Variants in ZNF157 observed in about 807,000 individuals in gnomAD.
The protein encoded by ZNF157 is zinc finger protein 157, also known as zinc finger protein 22.
A neutral mutation model predicts 9.4 loss-of-function variants in ZNF157; 8 were observed. The observed-to-expected ratio is 0.85, with a 90% CI of 0.50 to 1.53. The LOEUF (loss-of-function observed/expected upper bound fraction) is 1.53. Ranked by LOEUF, ZNF157 falls within the 40% of genes most tolerant of loss-of-function variation. The pLI, the probability that ZNF157 is intolerant of heterozygous loss-of-function variation, is 0.00. For missense variants in ZNF157, 316 were observed against 385.2 expected (o/e 0.82, Z 1.50); for synonymous variants, 120 against 130.8 (o/e 0.92, Z 0.56).
chrX:47,397,114 G>A (rs1318109597), intron 1 of ZNF157, among the ~76,000 whole-genome samples: 2 of 110,876 alleles, frequency 1.8e-5, no homozygotes, highest in Non-Finnish European at 3.8e-5. Context: ...CCTGAATTGG[G>A]TTGTTGTAGT....
intron 1 of ZNF157, among the ~76,000 whole-genome samples, chrX:47,374,397 CTTT>C (rs749372735): frequency 4.3e-4 from 37 of 85,408 alleles, no homozygotes; most frequent in South Asian, 1.2e-3. Context: ...AATAGACAAT[CTTT>C]TTTTTTTTTT....
chrX:47,413,552 A>T lies in ZNF157; in HGVS notation c.1479A>T (p.Ile493=). 1.7e-6 allele frequency: 2 copies of T among 1,207,226 alleles called. No individual in the cohort carries two copies. Among genetic ancestry groups the T allele is most frequent in the Non-Finnish European group, 2.2e-6 (2 of 892,593 alleles). The change falls in exon 4 of 4, where the codon ATA becomes ATT. Residue 493 remains isoleucine, a synonymous_variant. Coordinates refer to ENST00000377073, the MANE Select transcript of ZNF157 (RefSeq NM_003446.4). ...TCACAGAACATCAGAGAACTCACAT[A>T]GGCTGGTCCTGGCGTTGTACAATGA... The part of the protein sequence containing the change: ...AHLTEHQRTH[I]GWSWRCTMKK...
chrX:47,401,546 G>A (rs780717774), intron 1 of ZNF157, among the ~76,000 whole-genome samples: 19 of 111,684 alleles, frequency 1.7e-4, no homozygotes, highest in Non-Finnish European at 2.8e-4. Flanking sequence ...TGTTTCTCAC[G>A]TAGTACCAGG....
intron 1 of ZNF157, among the ~76,000 whole-genome samples, chrX:47,407,766 C>T (rs1286471877): frequency 9.1e-6 from 1 of 110,391 alleles, no homozygotes; most frequent in African/African-American, 3.3e-5. Flanking sequence ...ATTCTCCTGC[C>T]TCAGCCTCCC....
Position 47,400,763 on chromosome X carries a change from C to T in ZNF157, c.73-9513C>T, listed in dbSNP as rs183926078. On this transcript the variant is annotated intron_variant, in intron 1 of 3. Transcript: ENST00000377073. ...CTCGACCTCCTAGGCTCAGGCGATCCTCCCGCCTCAGCCACCTGAGTAGCT... is the reference window on the plus strand; with the variant it reads ...CTCGACCTCCTAGGCTCAGGCGATCTTCCCGCCTCAGCCACCTGAGTAGCT... Among the ~76,000 whole-genome samples, 15 of 111,941 alleles carry T rather than the reference C, an allele frequency of 1.3e-4. No individual in the cohort carries two copies. In the East Asian group the frequency reaches 4.2e-3, roughly 31 times the overall value.
Position 47,401,786 on chromosome X carries a change from C to A in ZNF157, c.73-8490C>A, listed in dbSNP as rs1480266141. On this transcript the variant is annotated intron_variant, in intron 1 of 3. Transcript: ENST00000377073. ...ACAAGGTCTCACTATGTTGCCCAGG[C>A]CAGAGTGCAGTGGCACAATCACAGT... Among the ~76,000 whole-genome samples, 3 of 111,605 alleles carry A rather than the reference C, an allele frequency of 2.7e-5. No individual in the cohort carries two copies. The East Asian group carries it at 8.4e-4, about 31-fold the overall frequency.
In ZNF157 at chrX:47,370,618, A is replaced by G; in HGVS notation, c.-51A>G. On this transcript the variant is annotated 5_prime_UTR_variant, in exon 1 of 4. Transcript: ENST00000377073. The stretch of plus-strand genomic sequence containing the variant: ...CTTACTGGAGGCTGCAGGACCCTCT[A>G]CACACAGACAGCTGTCCAGCACGGA... 8.8e-7 allele frequency: 1 copy of G among 1,138,933 alleles called. No individual in the cohort carries two copies. The highest frequency in any genetic ancestry group is 1.2e-6 in the Non-Finnish European group (1 of 842,826). The allele number at this position is 1,138,933 out of a possible 1,213,427, so 93.9% of individuals were successfully genotyped here. A position where few individuals can be genotyped will look rare whatever the true frequency, so the allele number is the denominator to read the frequency against.
chrX:47,377,893 C>T (rs2055849796), intron 1 of ZNF157, among the ~76,000 whole-genome samples: 1 of 110,262 alleles, frequency 9.1e-6, no homozygotes, highest in South Asian at 3.8e-4. Context: ...AGATCTTTTG[C>T]CCACTTTTTA....
At chrX:47,403,545 G>A (rs2055937256) in intron 1 of ZNF157, among the ~76,000 whole-genome samples, 1 of 110,378 alleles carries the variant, frequency 9.1e-6, no homozygotes, top group Non-Finnish European at 1.9e-5. Flanking sequence ...CTGTTGCTTA[G>A]GCTTGTCTCG....
chrX:47,410,132 C>G, intron 1 of ZNF157, 144 bp from the exon 2 acceptor site: 4 of 855,595 alleles, frequency 4.7e-6, no homozygotes, highest in Non-Finnish European at 6.7e-6. Flanking sequence ...CCCCCCACCC[C>G]AAAAGTATAT....
intron 1 of ZNF157, among the ~76,000 whole-genome samples, chrX:47,398,807 G>A (rs374707023): frequency 1.8e-5 from 2 of 111,904 alleles, no homozygotes; most frequent in South Asian, 7.4e-4. Context: ...TCAGCCTCCC[G>A]AGTAGCTGGG....
intron 1 of ZNF157, among the ~76,000 whole-genome samples, chrX:47,394,179 G>C (rs1005514017): frequency 9.1e-6 from 1 of 110,290 alleles, no homozygotes; most frequent in Non-Finnish European, 1.9e-5. Context: ...AGCCAGGATG[G>C]TCTCGATCTC....
At chrX:47,380,155 C>T (rs973322447) in intron 1 of ZNF157, among the ~76,000 whole-genome samples, 17 of 110,768 alleles carry the variant, frequency 1.5e-4, no homozygotes, top group South Asian at 1.5e-3. Context: ...TTCCCTTTAG[C>T]AGCAGAGAAT....
At chrX:47,412,280 T>C (rs1454687687) in intron 3 of ZNF157, 89 bp from the exon 4 acceptor site, 2 of 775,660 alleles carry the variant, frequency 2.6e-6, no homozygotes, top group Non-Finnish European at 1.8e-6. Context: ...TTAAAGGTTG[T>C]GTTAAGGAGT....
intron 3 of ZNF157, 66 bp from the exon 4 acceptor site, chrX:47,412,303 T>G (rs1157249057): frequency 2.1e-6 from 2 of 948,619 alleles, no homozygotes; most frequent in African/African-American, 4.0e-5. Flanking sequence ...AATTTTATAC[T>G]GTGACAAGAG....
chrX:47,385,129 T>C (rs2055875738), intron 1 of ZNF157, among the ~76,000 whole-genome samples: 1 of 111,976 alleles, frequency 8.9e-6, no homozygotes, highest in Non-Finnish European at 1.9e-5. Flanking sequence ...GCGTCCATTA[T>C]AGCAAAAGGA....
At chrX:47,378,019 AGG>A (rs1304384942) in intron 1 of ZNF157, among the ~76,000 whole-genome samples, 1 of 111,362 alleles carries the variant, frequency 9.0e-6, no homozygotes, top group Non-Finnish European at 1.9e-5. Flanking sequence ...ATATTAAGAC[AGG>A]GGAACTGCAC....
chrX:47,381,636 G>A (rs2055863827), intron 1 of ZNF157, among the ~76,000 whole-genome samples: 1 of 111,656 alleles, frequency 9.0e-6, no homozygotes, highest in African/African-American at 3.3e-5. Context: ...ACTTAATAGT[G>A]CCAGAAAATC....
chrX:47,388,448 A>T (rs1483370394), intron 1 of ZNF157, among the ~76,000 whole-genome samples: 22 of 107,714 alleles, frequency 2.0e-4, no homozygotes, highest in Admixed American at 2.0e-3. Flanking sequence ...AATAGCTGGG[A>T]CCACAGGCGC....
Sources: allele counts gnomAD v4.1 joint callset (sites outside exome capture counted in the v4.1 genomes callset), GRCh38; gene constraint gnomAD v4.1.1; transcripts MANE v1.5; gene names NCBI Gene and HGNC (gene_info 2026-07-23, HGNC 2026-07-21).